The following BRWD1 variants were observed in gnomAD, a reference collection of about 807,000 sequenced individuals.
The protein encoded by BRWD1 is bromodomain and WD repeat-containing protein 1.
A neutral mutation model predicts 251.2 loss-of-function variants in BRWD1; 82 were observed. The ratio of observed to expected loss-of-function variants is 0.33; its 90% CI spans 0.27 to 0.39. The LOEUF (loss-of-function observed/expected upper bound fraction) is 0.39, where lower values mean the gene tolerates loss of function less well. Ranked by LOEUF, BRWD1 falls within the 10% of genes least tolerant of loss-of-function variation. The pLI, the probability that BRWD1 is intolerant of heterozygous loss-of-function variation, is 1.00. For synonymous variants in BRWD1, 918 were observed against 902.8 expected (o/e 1.02, Z -0.30); for missense variants, 2,233 against 2,711.6 (o/e 0.82, Z 3.92).
At chr21:39,258,693 T>C in intron 17 of BRWD1, 21 bp from the exon 18 acceptor site, 3 of 1,462,374 alleles carry the variant, frequency 2.1e-6, no homozygotes, top group Non-Finnish European at 2.7e-6. Context: ...AATTATTTAA[T>C]ATATAATCAT....
In BRWD1 at chr21:39,194,759, C is replaced by T. The variant is rs2031723885; in HGVS notation, c.*1500G>A. 1 of 1,534,956 alleles carries T rather than the reference C, an allele frequency of 6.5e-7. No individual in the cohort carries two copies. The highest frequency in any genetic ancestry group is 1.4e-5 in the African/African-American group (1 of 73,042). The stretch of plus-strand genomic sequence containing the variant: ...CAGGAGAAAAGGTTTTGTCTGAAAC[C>T]AAACACAATTAGGGCTAATAAATAA... On this transcript the variant is annotated 3_prime_UTR_variant, in exon 41 of 41. Transcript: ENST00000342449.
chr21:39,219,764 T>C (rs1363404170), intron 29 of BRWD1: 2 of 152,246 alleles, frequency 1.3e-5, no homozygotes, highest in Non-Finnish European at 2.9e-5. Context: ...TGTAGTCTTT[T>C]AGCTGAGAGA....
At chr21:39,206,859 G>T (rs1247539799) in intron 36 of BRWD1, among the ~76,000 whole-genome samples, 1 of 152,096 alleles carries the variant, frequency 6.6e-6, no homozygotes, top group East Asian at 1.9e-4. Flanking sequence ...AAATACTTTT[G>T]GATACAGCTA....
intron 12 of BRWD1, 84 bp from the exon 13 acceptor site, chr21:39,274,556 T>G: frequency 9.2e-7 from 1 of 1,092,288 alleles, no homozygotes; most frequent in Non-Finnish European, 1.4e-6. Flanking sequence ...AAAAAAAGAA[T>G]GTAATGAAGC....
intron 29 of BRWD1, among the ~76,000 whole-genome samples, chr21:39,223,182 T>C (rs543264446): frequency 6.6e-6 from 1 of 152,214 alleles, no homozygotes; most frequent in African/African-American, 2.4e-5. Context: ...TATTAATAAT[T>C]TCCTGATTTT....
At chr21:39,247,233 T>A (rs935612281) in intron 21 of BRWD1, among the ~76,000 whole-genome samples, 3 of 152,198 alleles carry the variant, frequency 2.0e-5, no homozygotes, top group Admixed American at 1.3e-4. Flanking sequence ...ATGAAATGTA[T>A]TAAAATTTAA....
At position 39,188,380 on chromosome 21, in the gene BRWD1, T is replaced by C. The variant is rs750483755; in HGVS notation, c.*7879A>G. 10 of 985,276 alleles carry C rather than the reference T, an allele frequency of 1.0e-5. No homozygotes were observed. In the South Asian group the frequency reaches 1.4e-4, roughly 14 times the overall value. 61.0% of individuals were successfully genotyped at this position (985,276 alleles called of 1,614,324 possible). A position where few individuals can be genotyped will look rare whatever the true frequency, so the allele number is the denominator to read the frequency against. ...GGCTGTAGATCACTGAAATAACCAG[T>C]TGATATCCTCCACCCACACTAGACA... is the stretch of plus-strand genomic sequence containing the variant. On this transcript the variant is annotated 3_prime_UTR_variant, in exon 41 of 41. Transcript: ENST00000342449.
intron 23 of BRWD1, among the ~76,000 whole-genome samples, chr21:39,232,952 C>T (rs543464943): frequency 3.3e-5 from 5 of 152,240 alleles, no homozygotes; most frequent in East Asian, 3.9e-4. Flanking sequence ...GTGGAAGTCT[C>T]CTCCTCTTAA....
At chr21:39,201,585 T>C (rs1025068519) in intron 38 of BRWD1, among the ~76,000 whole-genome samples, 14 of 152,236 alleles carry the variant, frequency 9.2e-5, no homozygotes, top group African/African-American at 3.4e-4. Context: ...TAGGCTGTAA[T>C]GTGTCCACTT....
intron 4 of BRWD1, among the ~76,000 whole-genome samples, chr21:39,307,250 T>C (rs2036316687): frequency 6.6e-6 from 1 of 152,236 alleles, no homozygotes; most frequent in South Asian, 2.1e-4. Flanking sequence ...CGTACAGTTA[T>C]TTTAATCACC....
At position 39,229,433 on chromosome 21, in the gene BRWD1, G is replaced by C; in HGVS notation, c.3004C>G (p.Gln1002Glu). 4 of 1,606,598 alleles carry C rather than the reference G, an allele frequency of 2.5e-6. No individual in the cohort carries two copies. The highest frequency in any genetic ancestry group is 3.4e-6 in the Non-Finnish European group (4 of 1,174,168). ...EPWRKMDLRD[Q>E]ELVKIVGIRY... ...ATTCCAACTATTTTAACCAATTCTT[G>C]ATCCTTTAACAGACATATTTTTTAA... Residue 1002 changes from glutamine to glutamate, a missense_variant, in exon 26 of 41, where the codon CAA becomes GAA. Transcript: ENST00000342449.
At chr21:39,313,204 A>G (rs770935429) in intron 2 of BRWD1, 37 bp downstream of exon 2, 1 of 1,519,270 alleles carries the variant, frequency 6.6e-7, no homozygotes, top group East Asian at 2.6e-5. Context: ...GACACTGGGG[A>G]CGCCAAGTCC....
Position 39,188,971 on chromosome 21 carries a change from T to C in BRWD1, c.*7288A>G. 1.0e-6 allele frequency: 1 copy of C among 985,404 alleles called. No homozygotes were observed. The allele number at this position is 985,404 out of a possible 1,614,324, so 61.0% of individuals were successfully genotyped here. A position where few individuals can be genotyped will look rare whatever the true frequency, so the allele number is the denominator to read the frequency against. On this transcript the variant is annotated 3_prime_UTR_variant, in exon 41 of 41. Transcript: ENST00000342449. ...GCCCTTACCTCCTTCAGCTGGACTC[T>C]GTGGGAAGAGAAGTGGCTTAAAGTG...
At chr21:39,215,202 A>G (rs1178147032) in intron 32 of BRWD1, 35 bp downstream of exon 32, 1 of 1,599,288 alleles carries the variant, frequency 6.3e-7, no homozygotes, top group Admixed American at 1.7e-5. Context: ...CACAATATGC[A>G]GTCACTTTTA....
intron 10 of BRWD1, chr21:39,278,485 A>G (rs73903905): frequency 6.0e-5 from 25 of 413,890 alleles, no homozygotes; most frequent in African/African-American, 4.3e-4. Context: ...TGGCATAGGA[A>G]TCACTTGTGT....
intron 8 of BRWD1, among the ~76,000 whole-genome samples, chr21:39,291,458 A>C (rs1473815105): frequency 1.3e-5 from 2 of 152,234 alleles, no homozygotes; most frequent in Non-Finnish European, 2.9e-5. Context: ...GAAACAGGGT[A>C]GTAGGGACAG....
At chr21:39,256,839 C>T (rs1541102) in intron 18 of BRWD1, among the ~76,000 whole-genome samples, 46,113 of 152,066 alleles carry the variant, frequency 0.3, 7,459 homozygotes, top group Middle Eastern at 0.36. Flanking sequence ...GGGAAAAATC[C>T]ACGAGTGAAT....
intron 36 of BRWD1, 85 bp downstream of exon 36, chr21:39,209,910 T>C (rs2032581529): frequency 1.5e-6 from 2 of 1,373,104 alleles, no homozygotes; most frequent in Admixed American, 4.3e-5. Flanking sequence ...CAGTGGAAAA[T>C]TACACTGGAA....
intron 29 of BRWD1, chr21:39,219,624 A>AT (rs2033091855): frequency 6.6e-6 from 1 of 152,234 alleles, no homozygotes; most frequent in South Asian, 2.1e-4. Flanking sequence ...GAGAATGCTC[A>AT]TGGGAGCATT....
Sources: allele counts gnomAD v4.1 joint callset (sites outside exome capture counted in the v4.1 genomes callset), GRCh38; gene constraint gnomAD v4.1.1; transcripts MANE v1.5; gene names NCBI Gene and HGNC (gene_info 2026-07-23, HGNC 2026-07-21).